The following OR4N2 variants were observed in gnomAD, a reference collection of about 807,000 sequenced individuals.
OR4N2 encodes olfactory receptor family 4 subfamily N member 2.
For missense variants in OR4N2, 307 were observed against 377.6 expected (o/e 0.81, Z 1.55); for synonymous variants, 141 against 140.4 (o/e 1.00, Z -0.03).
chr14:19,804,005 G>T (rs1351122842), intron 1 of OR4N2, among the ~76,000 whole-genome samples, 161 bp downstream of exon 1: 1 of 152,126 alleles, frequency 6.6e-6, no homozygotes, highest in Admixed American at 6.5e-5. Context: ...TAGTCTCTGA[G>T]GGTTTTTAAA....
chr14:19,808,754 T>C (rs1226679602), intron 1 of OR4N2, among the ~76,000 whole-genome samples: 1 of 151,842 alleles, frequency 6.6e-6, no homozygotes, highest in Admixed American at 6.6e-5. Flanking sequence ...AAAGCCTGAA[T>C]AGTCAAAACA....
chr14:19,820,192 T>C (rs1035768699), intron 1 of OR4N2, among the ~76,000 whole-genome samples: 1 of 152,266 alleles, frequency 6.6e-6, no homozygotes, highest in African/African-American at 2.4e-5. Context: ...AGGCAGTCTG[T>C]CCCTTAGCAG....
rs1472325841 is a variant in OR4N2 at position 19,828,542 on chromosome 14, A to T, written c.*170A>T. The T allele has an allele frequency of 2.2e-5, 15 of 686,044 alleles. No homozygotes were observed. In the East Asian group the frequency reaches 4.0e-4, roughly 18 times the overall value. The allele number at this position is 686,044 out of a possible 1,614,324, so 42.5% of individuals were successfully genotyped here. A position where few individuals can be genotyped will look rare whatever the true frequency, so the allele number is the denominator to read the frequency against. ...AGATAAGGTCCATCTGCTCTCCAAG[A>T]GATACAACCTAGTAAAAATAGACCA... is the stretch of plus-strand genomic sequence containing the variant. On this transcript the variant is annotated 3_prime_UTR_variant, in exon 2 of 2. Transcript: ENST00000557677.
chr14:19,829,118 G>C lies in OR4N2; in HGVS notation c.*746G>C, dbSNP rs1879803047. On this transcript the variant is annotated 3_prime_UTR_variant, in exon 2 of 2. Coordinates refer to ENST00000557677, the MANE Select transcript of OR4N2 (RefSeq NM_001004723.3). ...TAAGAGGAAAATATTATATTTGTAA[G>C]TGCACTTTGAAAGATATTAAACTAC... 6.6e-6 allele frequency: 1 copy of C among 152,226 alleles called. No homozygotes were observed. The highest frequency in any genetic ancestry group is 1.5e-5 in the Non-Finnish European group (1 of 68,044). The allele number at this position is 152,226 out of a possible 1,614,324, so 9.4% of individuals were successfully genotyped here.
chr14:19,811,384 C>G (rs1275241552), intron 1 of OR4N2, among the ~76,000 whole-genome samples: 1 of 152,160 alleles, frequency 6.6e-6, no homozygotes, highest in Non-Finnish European at 1.5e-5. Flanking sequence ...ATAGCTGATA[C>G]TACAGGCGCC....
chr14:19,820,069 A>G (rs1362623291), intron 1 of OR4N2, among the ~76,000 whole-genome samples: 3 of 152,260 alleles, frequency 2.0e-5, no homozygotes, highest in Admixed American at 1.3e-4. Context: ...GCTTTGTCCC[A>G]GAGGGGCACC....
chr14:19,817,302 C>T (rs1454294340), intron 1 of OR4N2, among the ~76,000 whole-genome samples: 1 of 152,228 alleles, frequency 6.6e-6, no homozygotes, highest in Non-Finnish European at 1.5e-5. Context: ...TAGAATTTGG[C>T]TGTGAATCTG....
chr14:19,817,818 G>A (rs746155070), intron 1 of OR4N2, among the ~76,000 whole-genome samples: 6 of 152,214 alleles, frequency 3.9e-5, no homozygotes, highest in Non-Finnish European at 5.9e-5. Flanking sequence ...TTAAGCTGTT[G>A]GCATTTAGTG....
At chr14:19,824,605 T>C (rs1452375479) in intron 1 of OR4N2, among the ~76,000 whole-genome samples, 1 of 152,260 alleles carries the variant, frequency 6.6e-6, no homozygotes, top group Admixed American at 6.5e-5. Context: ...GTGGATTTTC[T>C]TCCACCTCTG....
chr14:19,826,004 C>G (rs752148415), intron 1 of OR4N2, among the ~76,000 whole-genome samples: 2 of 152,200 alleles, frequency 1.3e-5, no homozygotes, highest in Non-Finnish European at 2.9e-5. Flanking sequence ...GAATATATAA[C>G]CTTAAATGTA....
intron 1 of OR4N2, among the ~76,000 whole-genome samples, chr14:19,804,739 C>T (rs1879121934): frequency 1.3e-5 from 2 of 152,166 alleles, no homozygotes; most frequent in South Asian, 2.1e-4. Flanking sequence ...CGAGCTCAGT[C>T]CCGAATCTCT....
rs1290350842 is a variant in OR4N2, at chr14:19,810,477, C to G, written c.-10+6633C>G. On this transcript the variant is annotated intron_variant, in intron 1 of 1. Transcript: ENST00000557677. ...GGGAATTATCATTTAACCTAGCAAT[C>G]TCATTATTGAGTACATATCCAAAGG... is the stretch of plus-strand genomic sequence containing the variant. 2.0e-5 allele frequency among the ~76,000 whole-genome samples: 3 copies of G among 152,332 alleles called. No individual in the cohort carries two copies. The East Asian group carries it at 5.8e-4, about 29-fold the overall frequency.
chr14:19,826,201 G>A (rs1291035464), intron 1 of OR4N2, among the ~76,000 whole-genome samples: 3 of 152,200 alleles, frequency 2.0e-5, no homozygotes, highest in African/African-American at 7.2e-5. Flanking sequence ...CTTCTGGAAT[G>A]AGTATACCCC....
intron 1 of OR4N2, among the ~76,000 whole-genome samples, chr14:19,806,885 T>C (rs1341957873): frequency 6.6e-6 from 1 of 152,066 alleles, no homozygotes; most frequent in East Asian, 1.9e-4. Flanking sequence ...GCAATAAAAT[T>C]AGAAATAAAC....
At chr14:19,812,241 C>G (rs1429076232) in intron 1 of OR4N2, among the ~76,000 whole-genome samples, 1 of 150,884 alleles carries the variant, frequency 6.6e-6, no homozygotes, top group African/African-American at 2.4e-5. Flanking sequence ...AGAAGTCATG[C>G]CATAGAAGTA....
chr14:19,820,549 G>T (rs1274769507), intron 1 of OR4N2, among the ~76,000 whole-genome samples: 1 of 152,248 alleles, frequency 6.6e-6, no homozygotes. Context: ...CCCCCCAGGT[G>T]CTCTGTCCCA....
At chr14:19,807,706 G>C (rs1879199332) in intron 1 of OR4N2, among the ~76,000 whole-genome samples, 1 of 152,088 alleles carries the variant, frequency 6.6e-6, no homozygotes, top group Non-Finnish European at 1.5e-5. Context: ...AAAAATTGAG[G>C]AGGAGGAGCT....
chr14:19,827,030 G>A (rs1403540861), intron 1 of OR4N2, among the ~76,000 whole-genome samples: 1 of 152,246 alleles, frequency 6.6e-6, no homozygotes, highest in Non-Finnish European at 1.5e-5. Flanking sequence ...AGGAGAAAAA[G>A]GGTCTAATCC....
rs769772027 is a variant in OR4N2 at position 19,827,842 on chromosome 14, T to A, written c.394T>A (p.Tyr132Asn). Reference sequence around the variant, plus strand: ...CATCGCCATCTGCCGGCCTCTGCACTATCCTACTGTCATGAACCCTAGAAC... The same window carrying A: ...CATCGCCATCTGCCGGCCTCTGCACAATCCTACTGTCATGAACCCTAGAAC... ...RYIAICRPLH[Y>N]PTVMNPRTCY... The change falls in exon 2 of 2, where the codon TAT becomes AAT. Residue 132 changes from tyrosine (Y) to asparagine (N), a missense_variant. Transcript: ENST00000557677. 6.2e-7 allele frequency: 1 copy of A among 1,614,138 alleles called. No homozygotes were observed. The highest frequency in any genetic ancestry group is 1.7e-5 in the Admixed American group (1 of 60,010).
Sources: gnomAD v4.1 joint callset for allele counts (sites outside exome capture counted in the v4.1 genomes callset) on GRCh38, gnomAD v4.1.1 for gene constraint, MANE v1.5 for transcripts, NCBI Gene and HGNC (gene_info 2026-07-23, HGNC 2026-07-21) for gene names.